Variants in ST7 observed in about 807,000 individuals in gnomAD.
The protein encoded by ST7 is suppression of tumorigenicity 7.
A neutral mutation model predicts 78.7 loss-of-function variants in ST7; 28 were observed. The ratio of observed to expected loss-of-function variants is 0.36; its 90% CI spans 0.26 to 0.49. ST7 has a LOEUF of 0.49. Among genes scored for constraint, ST7 ranks in the 20% least tolerant of loss-of-function variants. ST7 has a pLI of 0.99. For synonymous variants in ST7, 247 were observed against 249.6 expected (o/e 0.99, Z 0.10); for missense variants, 418 against 696.0 (o/e 0.60, Z 4.49).
At chr7:117,180,684 C>T (rs982760264) in intron 10 of ST7, among the ~76,000 whole-genome samples, 1 of 152,224 alleles carries the variant, frequency 6.6e-6, no homozygotes, top group African/African-American at 2.4e-5. Context: ...GGGTATAGCT[C>T]TGTCGCCTAG....
At chr7:116,989,785 A>C (rs1794345605) in intron 1 of ST7, among the ~76,000 whole-genome samples, 1 of 152,058 alleles carries the variant, frequency 6.6e-6, no homozygotes, top group Non-Finnish European at 1.5e-5. Context: ...GTTACAGTGA[A>C]GTTTGATTGT....
chr7:117,129,034 C>G (rs1290544214), intron 3 of ST7, among the ~76,000 whole-genome samples: 1 of 151,812 alleles, frequency 6.6e-6, no homozygotes, highest in Non-Finnish European at 1.5e-5. Flanking sequence ...TAGTCATATG[C>G]TTACCATTAT....
At chr7:117,186,831 T>C (rs527507345) in intron 10 of ST7, among the ~76,000 whole-genome samples, 48 of 152,340 alleles carry the variant, frequency 3.2e-4, no homozygotes, top group Non-Finnish European at 5.4e-4. Flanking sequence ...CAGTCTATGA[T>C]TGGACATTGG....
intron 1 of ST7, among the ~76,000 whole-genome samples, chr7:117,055,658 A>G (rs1223650900): frequency 6.6e-6 from 1 of 152,132 alleles, no homozygotes; most frequent in Non-Finnish European, 1.5e-5. Context: ...GGAAGTGGGA[A>G]TTTATTTATC....
At chr7:117,183,547 T>A (rs1314893369) in intron 10 of ST7, among the ~76,000 whole-genome samples, 1 of 152,170 alleles carries the variant, frequency 6.6e-6, no homozygotes, top group African/African-American at 2.4e-5. Flanking sequence ...CTACCCAGAA[T>A]GAAACAGAAC....
intron 1 of ST7, among the ~76,000 whole-genome samples, chr7:116,976,107 C>T (rs1334302084): frequency 4.0e-5 from 6 of 151,588 alleles, no homozygotes; most frequent in African/African-American, 9.7e-5. Flanking sequence ...CTAAAACATA[C>T]AAAAAAAATT....
At chr7:117,178,642 T>C (rs1584525153) in intron 10 of ST7, among the ~76,000 whole-genome samples, 1 of 152,322 alleles carries the variant, frequency 6.6e-6, no homozygotes, top group East Asian at 1.9e-4. Context: ...TCAGTTGACC[T>C]ATCATGCATA....
chr7:117,104,671 G>C (rs1490649091), intron 2 of ST7, among the ~76,000 whole-genome samples: 2 of 152,214 alleles, frequency 1.3e-5, no homozygotes, highest in Non-Finnish European at 2.9e-5. Flanking sequence ...GCAGTCCCAT[G>C]TTTATTGCAG....
At chr7:117,100,342 G>C (rs1426456654) in intron 2 of ST7, among the ~76,000 whole-genome samples, 2 of 152,052 alleles carry the variant, frequency 1.3e-5, no homozygotes, top group Non-Finnish European at 2.9e-5. Flanking sequence ...GGGTGTAGTG[G>C]CACATACCTG....
chr7:117,034,243 G>A (rs1796766404), intron 1 of ST7, among the ~76,000 whole-genome samples: 1 of 152,172 alleles, frequency 6.6e-6, no homozygotes, highest in Non-Finnish European at 1.5e-5. Context: ...CTGGCCTGCT[G>A]TGAGTTTTAA....
At chr7:117,128,601 T>C (rs1191210810) in intron 3 of ST7, among the ~76,000 whole-genome samples, 1 of 151,922 alleles carries the variant, frequency 6.6e-6, no homozygotes, top group African/African-American at 2.4e-5. Context: ...AAAACACGTA[T>C]TCCTGTTATG....
At chr7:117,086,379 A>G (rs1800149229) in intron 1 of ST7, among the ~76,000 whole-genome samples, 1 of 152,198 alleles carries the variant, frequency 6.6e-6, no homozygotes, top group Non-Finnish European at 1.5e-5. Flanking sequence ...AGTTTTAACC[A>G]ATTACTGATC....
intron 9 of ST7, among the ~76,000 whole-genome samples, chr7:117,152,600 A>G (rs1325687297): frequency 6.6e-6 from 1 of 152,090 alleles, no homozygotes; most frequent in African/African-American, 2.4e-5. Context: ...ACCATTTTCT[A>G]ATAATTTCAA....
intron 1 of ST7, among the ~76,000 whole-genome samples, chr7:117,083,235 A>T (rs1445717749): frequency 2.6e-5 from 4 of 151,500 alleles, no homozygotes; most frequent in African/African-American, 9.7e-5. Flanking sequence ...AATTTGTAAT[A>T]TACATACATA....
At chr7:117,158,861 A>G (rs1806909482) in intron 9 of ST7, among the ~76,000 whole-genome samples, 1 of 152,184 alleles carries the variant, frequency 6.6e-6, no homozygotes, top group Admixed American at 6.5e-5. Context: ...TTGAAACTAT[A>G]ATTAAATAAT....
At chr7:117,177,812 A>T (rs1808456316) in intron 10 of ST7, among the ~76,000 whole-genome samples, 1 of 152,158 alleles carries the variant, frequency 6.6e-6, no homozygotes, top group African/African-American at 2.4e-5. Context: ...AAAAGACCTC[A>T]TACTGCCTGG....
chr7:117,054,863 A>G (rs555431917), intron 1 of ST7, among the ~76,000 whole-genome samples: 26 of 152,364 alleles, frequency 1.7e-4, no homozygotes, highest in Middle Eastern at 3.4e-3. Context: ...TTTCTTTACA[A>G]AGATGAAGAA....
At chr7:117,073,110 A>G (rs923513432) in intron 1 of ST7, 3 of 152,160 alleles carry the variant, frequency 2.0e-5, no homozygotes, top group African/African-American at 4.8e-5. Flanking sequence ...GGAGACTGAC[A>G]GGGGGTATTA....
intron 9 of ST7, among the ~76,000 whole-genome samples, chr7:117,164,983 G>A (rs142097165): frequency 6.6e-6 from 1 of 152,076 alleles, no homozygotes; most frequent in Non-Finnish European, 1.5e-5. Flanking sequence ...GGCTTTGGAG[G>A]GTGGGGTGAT....
Sources: allele counts gnomAD v4.1 joint callset (sites outside exome capture counted in the v4.1 genomes callset), GRCh38; gene constraint gnomAD v4.1.1; transcripts MANE v1.5; gene names NCBI Gene and HGNC (gene_info 2026-07-23, HGNC 2026-07-21).